The following ZBTB20 variants were observed in gnomAD, a reference collection of about 807,000 sequenced individuals.
The protein encoded by ZBTB20 is zinc finger and BTB domain-containing protein 20.
Under a neutral mutation model 56.9 loss-of-function variants are expected in ZBTB20, and 9 were observed. That is an observed-to-expected ratio of 0.16 (90% CI 0.10 to 0.28). The LOEUF is 0.28. Ranked by LOEUF, ZBTB20 falls within the 10% of genes least tolerant of loss-of-function variation. The probability of loss-of-function intolerance (pLI) is 1.00; values close to 1 mark genes in which losing one functional copy is unlikely to be tolerated. For missense variants in ZBTB20, 655 were observed against 1,003.0 expected, an observed-to-expected ratio of 0.65 and a Z score of 4.69; for synonymous variants, 417 against 420.7, an observed-to-expected ratio of 0.99 and a Z score of 0.11.
chr3:114,425,854 G>C (rs1443461225), intron 7 of ZBTB20, among the ~76,000 whole-genome samples: 1 of 152,090 alleles, frequency 6.6e-6, no homozygotes, highest in South Asian at 2.1e-4. Flanking sequence ...TACAAATTCT[G>C]TGTAACCACA....
chr3:114,665,462 A>T (rs553539395), intron 6 of ZBTB20, among the ~76,000 whole-genome samples: 50 of 152,148 alleles, frequency 3.3e-4, no homozygotes, highest in African/African-American at 1.2e-3. Flanking sequence ...CAAGTGATGC[A>T]TGTCTAGTTT....
At chr3:115,059,782 T>A (rs1174789679) in intron 2 of ZBTB20, among the ~76,000 whole-genome samples, 1 of 152,150 alleles carries the variant, frequency 6.6e-6, no homozygotes, top group Non-Finnish European at 1.5e-5. Context: ...GGAAAGTACA[T>A]CCAAGCATAA....
At chr3:114,928,135 A>G (rs778797049) in intron 3 of ZBTB20, among the ~76,000 whole-genome samples, 10 of 152,244 alleles carry the variant, frequency 6.6e-5, no homozygotes, top group Non-Finnish European at 1.3e-4. Flanking sequence ...GTAAAATTCT[A>G]TAACTACATA....
intron 5 of ZBTB20, among the ~76,000 whole-genome samples, chr3:114,710,558 G>A (rs1049131294): frequency 2.0e-5 from 3 of 152,150 alleles, no homozygotes; most frequent in African/African-American, 7.2e-5. Flanking sequence ...TGGCTGGGGT[G>A]AAATGCCTGA....
chr3:115,109,828 G>A (rs1176851143), intron 1 of ZBTB20, among the ~76,000 whole-genome samples: 1 of 152,130 alleles, frequency 6.6e-6, no homozygotes, highest in Non-Finnish European at 1.5e-5. Context: ...AAAATTTAAA[G>A]AAAGGATAAT....
At chr3:114,744,843 GA>G (rs2108614494) in intron 5 of ZBTB20, among the ~76,000 whole-genome samples, 1 of 152,038 alleles carries the variant, frequency 6.6e-6, no homozygotes, top group East Asian at 1.9e-4. Context: ...GCATTATATA[GA>G]AAAACACCCA....
intron 6 of ZBTB20, among the ~76,000 whole-genome samples, chr3:114,657,333 T>C (rs2060470939): frequency 6.6e-6 from 1 of 152,240 alleles, no homozygotes; most frequent in African/African-American, 2.4e-5. Context: ...TTGATCCTTC[T>C]GGGATTCATA....
intron 4 of ZBTB20, among the ~76,000 whole-genome samples, chr3:114,807,989 G>GT (rs1201585207): frequency 6.6e-6 from 1 of 152,030 alleles, no homozygotes; most frequent in Non-Finnish European, 1.5e-5. Flanking sequence ...TGCTCTCAGT[G>GT]TAATATTGTA....
rs146049237 is a variant in ZBTB20, at chr3:114,895,261, C to T, written c.-417+5043G>A. On this transcript the variant is annotated intron_variant, in intron 4 of 11. Transcript: ENST00000675478. The stretch of plus-strand genomic sequence containing the variant: ...TGCACTGACAACTATGCTCACTAAA[C>T]CTGAGGCTGCTTAGATTACCAACAG... 5.0e-4 allele frequency among the ~76,000 whole-genome samples: 76 copies of T among 152,256 alleles called. 1 individual carries two copies. The East Asian group carries it at 0.012, about 24-fold the overall frequency.
intron 1 of ZBTB20, among the ~76,000 whole-genome samples, chr3:115,141,625 A>G (rs896912248): frequency 1.3e-5 from 2 of 152,230 alleles, no homozygotes; most frequent in Admixed American, 1.3e-4. Context: ...TTCAACACAG[A>G]GTATGAAGGC....
intron 3 of ZBTB20, among the ~76,000 whole-genome samples, chr3:114,910,284 TACAC>T (rs1560388377): frequency 6.7e-6 from 1 of 149,004 alleles, no homozygotes; most frequent in African/African-American, 2.5e-5. Context: ...TATATAAACA[TACAC>T]ACACACATGC....
intron 5 of ZBTB20, among the ~76,000 whole-genome samples, chr3:114,749,000 T>C (rs1289289652): frequency 6.6e-6 from 1 of 152,216 alleles, no homozygotes; most frequent in African/African-American, 2.4e-5. Flanking sequence ...AATTAGATTT[T>C]AGTTTTGGAG....
intron 6 of ZBTB20, among the ~76,000 whole-genome samples, chr3:114,532,795 C>T (rs1409901648): frequency 2.6e-5 from 4 of 152,072 alleles, no homozygotes; most frequent in South Asian, 2.1e-4. Context: ...AGGAAGGAAC[C>T]GGTAGCATTG....
At chr3:114,714,389 T>C (rs1288410116) in intron 5 of ZBTB20, among the ~76,000 whole-genome samples, 1 of 152,214 alleles carries the variant, frequency 6.6e-6, no homozygotes, top group Non-Finnish European at 1.5e-5. Flanking sequence ...ACAGGAGACA[T>C]GACTTCCTCC....
chr3:114,438,431 A>C (rs916122451), intron 7 of ZBTB20, among the ~76,000 whole-genome samples: 8 of 136,946 alleles, frequency 5.8e-5, no homozygotes, highest in Non-Finnish European at 1.1e-4. Context: ...AAAAACAAAA[A>C]AAACCAAAAA....
intron 5 of ZBTB20, among the ~76,000 whole-genome samples, chr3:114,714,746 C>T (rs539503916): frequency 1.3e-5 from 2 of 152,258 alleles, no homozygotes; most frequent in African/African-American, 4.8e-5. Flanking sequence ...TAATGGCAGG[C>T]ATTATGCAAA....
At chr3:114,779,164 G>T (rs1191523662) in intron 5 of ZBTB20, among the ~76,000 whole-genome samples, 1 of 152,096 alleles carries the variant, frequency 6.6e-6, no homozygotes, top group Non-Finnish European at 1.5e-5. Flanking sequence ...TACTCTCCTT[G>T]TCTCCTTGTT....
At chr3:114,677,190 A>C (rs1378701738) in intron 6 of ZBTB20, among the ~76,000 whole-genome samples, 1 of 152,226 alleles carries the variant, frequency 6.6e-6, no homozygotes, top group Non-Finnish European at 1.5e-5. Context: ...CTACCTGCTA[A>C]AAAATGAATT....
intron 3 of ZBTB20, among the ~76,000 whole-genome samples, chr3:114,965,021 T>A (rs990161223): frequency 5.9e-5 from 9 of 152,160 alleles, no homozygotes; most frequent in African/African-American, 2.2e-4. Context: ...ATCTGAAAGA[T>A]GGGATGATAA....
Sources: gnomAD v4.1 joint callset for allele counts (sites outside exome capture counted in the v4.1 genomes callset) on GRCh38, gnomAD v4.1.1 for gene constraint, MANE v1.5 for transcripts, NCBI Gene and HGNC (gene_info 2026-07-23, HGNC 2026-07-21) for gene names.